Variants in AHI1 observed in about 807,000 individuals in gnomAD.
AHI1 encodes the protein jouberin.
Under a neutral mutation model 149.3 loss-of-function variants are expected in AHI1, and 123 were observed. That is an observed-to-expected ratio of 0.82 (90% CI 0.71 to 0.96). The LOEUF (loss-of-function observed/expected upper bound fraction) is 0.96. Among genes scored for constraint, AHI1 ranks in the 40% least tolerant of loss-of-function variants. AHI1 has a pLI of 0.00. For synonymous variants in AHI1, 475 were observed against 459.8 expected (o/e 1.03, Z -0.42); for missense variants, 1,439 against 1,422.7 (o/e 1.01, Z -0.18).
chr6:135,363,400 G>A (rs1009804708), intron 23 of AHI1, among the ~76,000 whole-genome samples: 6 of 152,026 alleles, frequency 3.9e-5, no homozygotes, highest in Non-Finnish European at 5.9e-5. Flanking sequence ...CAAGGCAGAA[G>A]AATTTTTCTT....
intron 21 of AHI1, among the ~76,000 whole-genome samples, chr6:135,410,745 T>C (rs530274317): frequency 1.3e-5 from 2 of 152,358 alleles, no homozygotes; most frequent in East Asian, 1.9e-4. Context: ...TCTTCATTAA[T>C]AGAAATTCTG....
At chr6:135,489,328 T>C (rs564406222) in intron 5 of AHI1, among the ~76,000 whole-genome samples, 1 of 152,166 alleles carries the variant, frequency 6.6e-6, no homozygotes, top group Non-Finnish European at 1.5e-5. Context: ...TAAATGGACA[T>C]AGCCTCTGCC....
chr6:135,472,777 C>T (rs186982151), intron 5 of AHI1, among the ~76,000 whole-genome samples: 18 of 147,602 alleles, frequency 1.2e-4, no homozygotes, highest in Admixed American at 2.8e-4. Context: ...TGTCTATTTG[C>T]TATCTATAGC....
At chr6:135,324,394 A>G (rs1048173305) in intron 24 of AHI1, among the ~76,000 whole-genome samples, 5 of 149,386 alleles carry the variant, frequency 3.3e-5, no homozygotes, top group Admixed American at 2.0e-4. Flanking sequence ...AATTCATTTT[A>G]GATTTAGATC....
At chr6:135,312,941 T>C (rs1349466078) in intron 26 of AHI1, among the ~76,000 whole-genome samples, 1 of 152,174 alleles carries the variant, frequency 6.6e-6, no homozygotes, top group Non-Finnish European at 1.5e-5. Flanking sequence ...ATAATAAAAA[T>C]AAGACTTGAA....
chr6:135,370,897 A>G (rs1774957333), intron 23 of AHI1, among the ~76,000 whole-genome samples: 1 of 152,078 alleles, frequency 6.6e-6, no homozygotes, highest in Admixed American at 6.5e-5. Flanking sequence ...CCAACACTTA[A>G]AATCTGCTAT....
At chr6:135,447,962 A>C (rs778355104) in intron 12 of AHI1, among the ~76,000 whole-genome samples, 7 of 152,224 alleles carry the variant, frequency 4.6e-5, no homozygotes, top group African/African-American at 9.6e-5. Flanking sequence ...AATTGACTGA[A>C]ACTACAGGGC....
At position 135,433,101 on chromosome 6, in the gene AHI1, TCTC is replaced by T. The variant is rs754256532; in HGVS notation, c.2189_2191del (p.Arg730_Glu731delinsLys). 6.2e-7 allele frequency: 1 copy of T among 1,613,748 alleles called. No homozygotes were observed. The highest frequency in any genetic ancestry group is 8.5e-7 in the Non-Finnish European group (1 of 1,179,736). On this transcript the variant is annotated inframe_deletion, in exon 16 of 29. Transcript: ENST00000265602. ...CTGTCGGACCAATATGGCAGAATCT[TCTC>T]TCATCTCAACTTTCCATATCCGTAT...
intron 15 of AHI1, among the ~76,000 whole-genome samples, chr6:135,435,708 T>C (rs1278114764): frequency 1.3e-5 from 2 of 152,136 alleles, no homozygotes; most frequent in African/African-American, 4.8e-5. Flanking sequence ...AAGATAGTTA[T>C]GGAAAGATAA....
intron 23 of AHI1, 128 bp from the exon 24 acceptor site, chr6:135,358,315 T>G: frequency 1.2e-6 from 1 of 800,778 alleles, no homozygotes; most frequent in Non-Finnish European, 2.1e-6. Flanking sequence ...AAAGTCTCAC[T>G]TGGAAGGCAA....
chr6:135,343,702 C>T (rs558669719), intron 24 of AHI1, among the ~76,000 whole-genome samples: 2 of 148,764 alleles, frequency 1.3e-5, no homozygotes, highest in East Asian at 1.9e-4. Context: ...CAGCTAAATG[C>T]GAAAGAATAA....
intron 4 of AHI1, 82 bp downstream of exon 4, chr6:135,492,146 C>A: frequency 9.2e-7 from 1 of 1,082,808 alleles, no homozygotes; most frequent in South Asian, 1.7e-5. Context: ...TTAATCTGTT[C>A]AAGAATCCCT....
chr6:135,378,079 T>C (rs1776204596), intron 23 of AHI1, among the ~76,000 whole-genome samples: 1 of 152,156 alleles, frequency 6.6e-6, no homozygotes, highest in Admixed American at 6.6e-5. Flanking sequence ...GAAAAAAACA[T>C]ACTTCAAGGG....
rs1323049574 is a variant in AHI1, at chr6:135,340,656, T to C, written c.3166-17332A>G. 8.5e-5 allele frequency among the ~76,000 whole-genome samples: 5 copies of C among 59,026 alleles called. No individual in the cohort carries two copies. The South Asian group carries it at 2.1e-3, about 25-fold the overall frequency. The allele number at this position is 59,026 out of a possible 152,430, so 38.7% of individuals were successfully genotyped here. A position where few individuals can be genotyped will look rare whatever the true frequency, so the allele number is the denominator to read the frequency against. On this transcript the variant is annotated intron_variant, in intron 24 of 28. Transcript: ENST00000265602. ...AAACCAGTACATATATATACATACA[T>C]ACATATATATATATATATATATATA...
chr6:135,419,654 G>A (rs940645313), intron 20 of AHI1, among the ~76,000 whole-genome samples: 5 of 151,992 alleles, frequency 3.3e-5, no homozygotes, highest in Non-Finnish European at 7.4e-5. Flanking sequence ...TATGTCTTCA[G>A]TTAATCATAA....
intron 14 of AHI1, among the ~76,000 whole-genome samples, chr6:135,440,412 C>G (rs953831366): frequency 2.6e-5 from 4 of 152,096 alleles, no homozygotes; most frequent in South Asian, 2.1e-4. Flanking sequence ...AAACAAAAAA[C>G]CGGGCATGAG....
intron 5 of AHI1, among the ~76,000 whole-genome samples, chr6:135,473,882 T>C (rs1054488196): frequency 1.3e-5 from 2 of 152,218 alleles, no homozygotes; most frequent in African/African-American, 4.8e-5. Context: ...ATGGTTCTAT[T>C]TATGATGGTT....
intron 23 of AHI1, among the ~76,000 whole-genome samples, chr6:135,382,181 A>G (rs1776856763): frequency 1.3e-5 from 2 of 152,132 alleles, no homozygotes; most frequent in Non-Finnish European, 1.5e-5. Context: ...AATCTCTTAC[A>G]TTGTTTAAAA....
At chr6:135,367,566 T>C (rs1183178976) in intron 23 of AHI1, among the ~76,000 whole-genome samples, 2 of 152,126 alleles carry the variant, frequency 1.3e-5, no homozygotes, top group Admixed American at 6.5e-5. Flanking sequence ...ATTTTTTCTT[T>C]GTCTTTGTCG....
Sources: allele counts gnomAD v4.1 joint callset (sites outside exome capture counted in the v4.1 genomes callset), GRCh38; gene constraint gnomAD v4.1.1; transcripts MANE v1.5; gene names NCBI Gene and HGNC (gene_info 2026-07-23, HGNC 2026-07-21).